Variants in GSE1 observed in about 807,000 individuals in gnomAD.
GSE1 encodes Gse1 coiled-coil protein.
Under a neutral mutation model 112.6 loss-of-function variants are expected in GSE1, and 32 were observed. That is an observed-to-expected ratio of 0.28 (90% CI 0.21 to 0.38). The LOEUF is 0.38. Among genes scored for constraint, GSE1 ranks in the 10% least tolerant of loss-of-function variants. GSE1 has a pLI of 1.00. For synonymous variants in GSE1, 1,115 were observed against 735.6 expected (o/e 1.52, Z -8.35); for missense variants, 2,348 against 1,699.2 (o/e 1.38, Z -6.71).
At chr16:85,356,373 G>T (rs1220787456) in intron 1 of GSE1, among the ~76,000 whole-genome samples, 1 of 152,262 alleles carries the variant, frequency 6.6e-6, no homozygotes, top group African/African-American at 2.4e-5. Flanking sequence ...CGTTCCCTTG[G>T]CAGGGGGCAG....
At chr16:85,304,364 C>T (rs1249892223) in intron 1 of GSE1, among the ~76,000 whole-genome samples, 1 of 152,122 alleles carries the variant, frequency 6.6e-6, no homozygotes, top group African/African-American at 2.4e-5. Context: ...TCGGTGGGGC[C>T]GGGGCTCTCT....
chr16:85,674,903 G>GTACTC lies in GSE1; in HGVS notation c.*2371_*2375dup, dbSNP rs1215989836. 1 of 152,558 alleles carries GTACTC rather than the reference G, an allele frequency of 6.6e-6. No homozygotes were observed. Among genetic ancestry groups the GTACTC allele is most frequent in the Admixed American group, 6.5e-5 (1 of 15,272 alleles). The allele number at this position is 152,558 out of a possible 1,614,324, so 9.5% of individuals were successfully genotyped here. A position where few individuals can be genotyped will look rare whatever the true frequency, so the allele number is the denominator to read the frequency against. ...CTTCCACCTACTTGTGGCGATCTGA[G>GTACTC]TACTCTACTCTTGCTCAAGAAGTAA... On this transcript the variant is annotated 3_prime_UTR_variant, in exon 16 of 16. Transcript: ENST00000253458.
In GSE1 at chr16:85,373,677, C is replaced by G. The variant is rs2151603471; in HGVS notation, c.2464+16034C>G. On this transcript the variant is annotated intron_variant, in intron 2 of 2. Transcript: ENST00000637419. This position sits in a 1 kb window ranked among gnomAD's most constrained non-coding sequence, Gnocchi z 5.1. ...GAAGAGTCCGCTCAGAGCAGGTGCT[C>G]CAGGGAGATTCTGGAGTGAACAGGT... is the stretch of plus-strand genomic sequence containing the variant. 6.6e-6 allele frequency among the ~76,000 whole-genome samples: 1 copy of G among 152,224 alleles called. No homozygotes were observed. The highest frequency in any genetic ancestry group is 1.5e-5 in the Non-Finnish European group (1 of 68,000).
chr16:85,334,428 T>G (rs138404588), intron 1 of GSE1, among the ~76,000 whole-genome samples: 3,385 of 152,346 alleles, frequency 0.022, 61 homozygotes, highest in Admixed American at 0.035. Context: ...GGTCCCGCAC[T>G]TGGGCCCTTC....
At chr16:85,206,547 C>T (rs905803380) in intron 1 of GSE1, among the ~76,000 whole-genome samples, 4 of 152,242 alleles carry the variant, frequency 2.6e-5, no homozygotes, top group Middle Eastern at 6.8e-3. Flanking sequence ...TTTCCCAGAT[C>T]CAGCTGCAAG....
chr16:85,181,968 C>T (rs982142771), intron 1 of GSE1, among the ~76,000 whole-genome samples: 4 of 152,190 alleles, frequency 2.6e-5, no homozygotes, highest in Non-Finnish European at 5.9e-5. Context: ...CGGACCGTCT[C>T]ACGGCTGTAC....
chr16:85,389,975 C>T (rs1451945836), intron 2 of GSE1, among the ~76,000 whole-genome samples: 1 of 152,170 alleles, frequency 6.6e-6, no homozygotes, highest in Non-Finnish European at 1.5e-5. Context: ...GAAAGTGAGG[C>T]ATGACTGAAG....
chr16:85,542,252 G>C (rs767697854), intron 2 of GSE1, among the ~76,000 whole-genome samples: 9 of 152,236 alleles, frequency 5.9e-5, no homozygotes, highest in Non-Finnish European at 7.3e-5. Flanking sequence ...GCACAGGGCA[G>C]CTTTCTCTTT....
chr16:85,613,006 A>G (rs1598380080), upstream of GSE1, among the ~76,000 whole-genome samples: 3 of 151,826 alleles, frequency 2.0e-5, no homozygotes, highest in East Asian at 3.9e-4. Flanking sequence ...TGGGGGTGGC[A>G]CCTCCGCGGC....
intron 1 of GSE1, among the ~76,000 whole-genome samples, chr16:85,568,006 C>G (rs140524487): frequency 4.6e-5 from 7 of 152,166 alleles, no homozygotes; most frequent in Non-Finnish European, 1.0e-4. Context: ...ATTACAGACA[C>G]GAGCCACTGT....
rs568692588 is a variant in GSE1 at position 85,194,188 on chromosome 16, G to A, written c.2283+22381G>A. On this transcript the variant is annotated intron_variant, in intron 1 of 2. Coordinates refer to the GSE1 transcript ENST00000637419. The stretch of plus-strand genomic sequence containing the variant: ...ACCTTCTCTCTTTGCTGCTGTTCTT[G>A]GACTCCGTGTCCGGGCGCCCTTGTG... 3.9e-5 allele frequency among the ~76,000 whole-genome samples: 6 copies of A among 152,242 alleles called. No homozygotes were observed. In the East Asian group the frequency reaches 1.2e-3, roughly 29 times the overall value.
rs2053292282 is a variant in GSE1, at chr16:85,671,107, G to GGAA, written c.3519+11_3519+13dup. 2.0e-6 allele frequency: 3 copies of GGAA among 1,508,548 alleles called. No individual in the cohort carries two copies. The highest frequency in any genetic ancestry group is 2.8e-6 in the Non-Finnish European group (3 of 1,084,858). The allele number at this position is 1,508,548 out of a possible 1,614,324, so 93.4% of individuals were successfully genotyped here. On this transcript the variant is annotated intron_variant, in intron 15 of 15. Transcript: ENST00000253458. ...TCTCCCACAGCGTGGCGGTGAGTTGGGAAGGGATGGAAACCTTCAAACACG... is the reference window on the plus strand; with the variant it reads ...TCTCCCACAGCGTGGCGGTGAGTTGGGAAGAAGGGATGGAAACCTTCAAACACG...
intron 3 of GSE1, among the ~76,000 whole-genome samples, chr16:85,653,455 C>T (rs922543917): frequency 5.3e-5 from 8 of 150,526 alleles, no homozygotes; most frequent in Non-Finnish European, 7.4e-5. Flanking sequence ...TTGAACTTGG[C>T]AGGGACCTCA....
chr16:85,571,700 A>T (rs1467794177), intron 1 of GSE1, among the ~76,000 whole-genome samples: 2 of 152,170 alleles, frequency 1.3e-5, no homozygotes, highest in Non-Finnish European at 2.9e-5. Context: ...ACTGAGGGGG[A>T]GAAACAGGTC....
chr16:85,322,829 T>C (rs2046140389), intron 1 of GSE1, among the ~76,000 whole-genome samples: 1 of 152,096 alleles, frequency 6.6e-6, no homozygotes, highest in Non-Finnish European at 1.5e-5. Context: ...TTGGCCAGGC[T>C]GGTCTCGAAC....
intron 1 of GSE1, among the ~76,000 whole-genome samples, chr16:85,176,391 G>A (rs754174274): frequency 1.2e-4 from 18 of 152,232 alleles, no homozygotes; most frequent in South Asian, 4.1e-4. Flanking sequence ...TGGGGCAGAG[G>A]CCCTGAGACG....
At chr16:85,457,324 T>C (rs1170103649) in intron 2 of GSE1, among the ~76,000 whole-genome samples, 2 of 152,084 alleles carry the variant, frequency 1.3e-5, no homozygotes, top group Non-Finnish European at 2.9e-5. Context: ...AGCTGGCAGA[T>C]GGGGGACAGC....
intron 1 of GSE1, among the ~76,000 whole-genome samples, chr16:85,586,523 G>A (rs1232391234): frequency 6.6e-6 from 1 of 152,224 alleles, no homozygotes; most frequent in East Asian, 1.9e-4. Context: ...GGGGCTCCCA[G>A]GATGGATCCA....
chr16:85,404,458 A>AG (rs1237514300), intron 2 of GSE1, among the ~76,000 whole-genome samples: 1 of 12,242 alleles, frequency 8.2e-5, no homozygotes, highest in Non-Finnish European at 1.3e-4. Flanking sequence ...TGTTACACTC[A>AG]GGCCCCCCGG....
Sources: gnomAD v4.1 joint callset for allele counts (sites outside exome capture counted in the v4.1 genomes callset) on GRCh38, gnomAD v4.1.1 for gene constraint, Gnocchi (gnomAD v3.1) non-coding constraint, MANE v1.5 for transcripts, NCBI Gene and HGNC (gene_info 2026-07-23, HGNC 2026-07-21) for gene names.